Variants in KIR3DL1 observed in about 807,000 individuals in gnomAD.
KIR3DL1 encodes killer cell immunoglobulin like receptor, three Ig domains and long cytoplasmic tail 1, also known as killer cell immunoglobulin-like receptor 3DL1.
A neutral mutation model predicts 40.3 loss-of-function variants in KIR3DL1; 50 were observed. The observed-to-expected ratio is 1.24, with a 90% CI of 0.99 to 1.57. KIR3DL1 has a LOEUF of 1.57. KIR3DL1 is among the 40% of genes most tolerant of loss of function. The pLI is 0.00. For missense variants in KIR3DL1, 661 were observed against 559.9 expected (o/e 1.18, Z -1.82); for synonymous variants, 257 against 207.2 (o/e 1.24, Z -2.07).
chr19:54,821,048 T>C (rs2061606578), intron 4 of KIR3DL1, among the ~76,000 whole-genome samples: 1 of 149,902 alleles, frequency 6.7e-6, no homozygotes, highest in Non-Finnish European at 1.5e-5. Context: ...ACATAGATGA[T>C]ACATAAATAG....
At chr19:54,818,040 C>G (rs1276637934) in intron 2 of KIR3DL1, among the ~76,000 whole-genome samples, 5 of 148,866 alleles carry the variant, frequency 3.4e-5, no homozygotes, top group Non-Finnish European at 5.9e-5. Flanking sequence ...GACTTGCCCT[C>G]CATGCCGTGT....
chr19:54,827,725 T>C (rs2061978537), intron 6 of KIR3DL1, among the ~76,000 whole-genome samples: 1 of 150,932 alleles, frequency 6.6e-6, no homozygotes, highest in East Asian at 1.9e-4. Context: ...TCTTTGATCC[T>C]TTATCTTATC....
In KIR3DL1 at chr19:54,829,085, C is replaced by T. The variant is rs1312294917; in HGVS notation, c.1001-276C>T. Among the ~76,000 whole-genome samples the T allele has an allele frequency of 1.2e-4, 18 of 145,132 alleles. 2 individuals are homozygous for T. Among genetic ancestry groups the T allele is most frequent in the Admixed American group, 9.2e-4 (13 of 14,138 alleles). On this transcript the variant is annotated intron_variant, in intron 6 of 8. Transcript: ENST00000391728. ...ATCCACCTCCATGACCCAAACACCT[C>T]CCAAGAGGCCCAACCTCCCACACTG...
chr19:54,821,638 CT>C lies in KIR3DL1; in HGVS notation c.730del (p.Cys244ValfsTer99). The C allele has an allele frequency of 6.2e-7, 1 of 1,609,548 alleles. No homozygotes were observed. The highest frequency in any genetic ancestry group is 8.5e-7 in the Non-Finnish European group (1 of 1,177,874). On this transcript the variant is annotated frameshift_variant, in exon 5 of 9. Transcript: ENST00000391728. LOFTEE classifies it high-confidence loss of function. ...AGGCAGGAGAGAGCGTGACCTTGTC[CT>C]GTAGCTCCCGGAGCTCCTATGACAT...
chr19:54,823,747 C>T (rs603611), intron 5 of KIR3DL1, among the ~76,000 whole-genome samples: 28,326 of 151,314 alleles, frequency 0.19, 3,189 homozygotes, highest in South Asian at 0.32. Flanking sequence ...CCACCTCCGC[C>T]TCCTGAAGTG....
intron 5 of KIR3DL1, among the ~76,000 whole-genome samples, chr19:54,824,263 G>T (rs1743332): frequency 0.18 from 27,292 of 150,552 alleles, 2,567 homozygotes; most frequent in South Asian, 0.31. Flanking sequence ...TGATTTTTGT[G>T]TATGGTGACA....
chr19:54,823,621 C>T (rs1569454029), intron 5 of KIR3DL1, among the ~76,000 whole-genome samples: 1 of 151,404 alleles, frequency 6.6e-6, no homozygotes, highest in East Asian at 1.9e-4. Context: ...CCTCAGCCTC[C>T]AAAGTAGCTG....
intron 4 of KIR3DL1, among the ~76,000 whole-genome samples, chr19:54,821,010 G>A (rs1359649867): frequency 4.7e-5 from 7 of 150,366 alleles, no homozygotes; most frequent in Admixed American, 6.7e-5. Flanking sequence ...TAGAGATGAC[G>A]ATGATGATGA....
rs933775512 is a variant in KIR3DL1 at position 54,823,924 on chromosome 19, A to G, written c.950-1104A>G. The stretch of plus-strand genomic sequence containing the variant: ...TTTGTTTGTGGAGAAATGTCTCCTC[A>G]TGTCTTTTGCTCGTTTTTTAATTAA... On this transcript the variant is annotated intron_variant, in intron 5 of 8. Transcript: ENST00000391728. Among the ~76,000 whole-genome samples, 3 of 145,740 alleles carry G rather than the reference A, an allele frequency of 2.1e-5. No individual in the cohort carries two copies. The East Asian group carries it at 5.8e-4, about 28-fold the overall frequency.
intron 6 of KIR3DL1, among the ~76,000 whole-genome samples, chr19:54,825,833 C>T (rs1249156168): frequency 6.6e-6 from 1 of 150,868 alleles, no homozygotes; most frequent in Non-Finnish European, 1.5e-5. Context: ...TCCTGGTCCC[C>T]TTCCTCCTTC....
At chr19:54,818,759 A>C (rs2061486466) in intron 3 of KIR3DL1, among the ~76,000 whole-genome samples, 160 bp downstream of exon 3, 4 of 150,996 alleles carry the variant, frequency 2.6e-5, no homozygotes, top group Admixed American at 2.6e-4. Flanking sequence ...GGGAAGAATC[A>C]CTGTCCCCAA....
At chr19:54,821,785 A>T in exon 5 of KIR3DL1, 1 of 1,607,256 alleles carries the variant, frequency 6.2e-7, no homozygotes, top group Non-Finnish European at 8.5e-7. Flanking sequence ...GGACCTACAG[A>T]TGCTTCGGCT....
Position 54,817,458 on chromosome 19 carries a change from C to G in KIR3DL1, c.35-76C>G. 4.0e-6 allele frequency: 5 copies of G among 1,236,396 alleles called. No individual in the cohort carries two copies. In the South Asian group the frequency reaches 6.1e-5, roughly 15 times the overall value. 76.6% of individuals were successfully genotyped at this position (1,236,396 alleles called of 1,614,324 possible). ...CCCAGCAAGGGCCTGGCTGCCAAGA[C>G]GCACAGCCCAGTGGGGGCAGCAGGG... On this transcript the variant is annotated intron_variant, in intron 1 of 8. Transcript: ENST00000391728.
At chr19:54,817,462 C>T (rs12983499) in intron 1 of KIR3DL1, 72 bp from the exon 2 acceptor site, 37,325 of 1,272,274 alleles carry the variant, frequency 0.029, 1,635 homozygotes, top group Middle Eastern at 0.041. Flanking sequence ...CCAAGACGCA[C>T]AGCCCAGTGG....
exon 5 of KIR3DL1, chr19:54,821,748 T>A (rs1194175133): frequency 6.2e-7 from 1 of 1,608,296 alleles, no homozygotes; most frequent in Non-Finnish European, 8.5e-7. Flanking sequence ...CAGGCAGATT[T>A]CCCTCTGGGC....
chr19:54,828,046 G>C (rs920180217), intron 6 of KIR3DL1, among the ~76,000 whole-genome samples: 18 of 150,594 alleles, frequency 1.2e-4, no homozygotes, highest in African/African-American at 4.5e-4. Context: ...ATTCACAGGA[G>C]GACAGGTGGT....
intron 6 of KIR3DL1, among the ~76,000 whole-genome samples, chr19:54,827,431 G>T (rs2061960883): frequency 6.9e-6 from 1 of 143,956 alleles, no homozygotes; most frequent in Non-Finnish European, 1.5e-5. Flanking sequence ...TCTCTACATG[G>T]TGAAACCCTA....
At chr19:54,818,266 G>A in intron 2 of KIR3DL1, 49 bp from the exon 3 acceptor site, 1 of 1,559,462 alleles carries the variant, frequency 6.4e-7, no homozygotes, top group Admixed American at 1.8e-5. Flanking sequence ...TGGGAGTGAG[G>A]GGCGGCTCCA....
chr19:54,825,938 T>C (rs2148161388), intron 6 of KIR3DL1, among the ~76,000 whole-genome samples: 1 of 151,352 alleles, frequency 6.6e-6, no homozygotes, highest in South Asian at 2.1e-4. Context: ...CTCTCCCTTC[T>C]TCCTTATCTT....
Sources: allele counts gnomAD v4.1 joint callset (sites outside exome capture counted in the v4.1 genomes callset), GRCh38; gene constraint gnomAD v4.1.1; transcripts MANE v1.5; gene names NCBI Gene and HGNC (gene_info 2026-07-23, HGNC 2026-07-21).